The following NRG1 variants were observed in gnomAD, a reference collection of about 807,000 sequenced individuals.
The protein encoded by NRG1 is pro-neuregulin-1, membrane-bound isoform.
A neutral mutation model predicts 63.8 loss-of-function variants in NRG1; 18 were observed. That is an observed-to-expected ratio of 0.28 (90% confidence interval 0.19 to 0.42). NRG1 has a LOEUF of 0.42. NRG1 is among the 10% of genes least tolerant of loss of function. The pLI, the probability that NRG1 is intolerant of heterozygous loss-of-function variation, is 1.00. For missense variants in NRG1, 762 were observed against 814.7 expected (o/e 0.94, Z 0.79); for synonymous variants, 302 against 301.3 (o/e 1.00, Z -0.02).
intron 1 of NRG1, among the ~76,000 whole-genome samples, chr8:32,422,783 C>T (rs1182571669): frequency 3.3e-5 from 5 of 152,218 alleles, no homozygotes; most frequent in African/African-American, 1.2e-4. Flanking sequence ...TTTTGAATTA[C>T]ATTCTGACTG....
chr8:32,198,071 G>T (rs1843137112), intron 1 of NRG1, among the ~76,000 whole-genome samples: 1 of 152,224 alleles, frequency 6.6e-6, no homozygotes, highest in Non-Finnish European at 1.5e-5. Context: ...CAATGTTTTG[G>T]CTAGTTGAAC....
chr8:32,480,089 A>G (rs1383383261), intron 1 of NRG1, among the ~76,000 whole-genome samples: 1 of 152,232 alleles, frequency 6.6e-6, no homozygotes, highest in Non-Finnish European at 1.5e-5. Context: ...GAAGGAATTT[A>G]GGGAGATCAT....
chr8:31,945,208 G>A (rs978110265), intron 1 of NRG1, among the ~76,000 whole-genome samples: 1 of 152,102 alleles, frequency 6.6e-6, no homozygotes, highest in Admixed American at 6.6e-5. Flanking sequence ...TAGTTGATAT[G>A]TTTGGATATT....
intron 1 of NRG1, among the ~76,000 whole-genome samples, chr8:32,358,368 GAAAAAAA>G (rs34976612): frequency 1.3e-4 from 13 of 99,006 alleles, no homozygotes; most frequent in Middle Eastern, 6.3e-3. Flanking sequence ...TGCCATTTAT[GAAAAAAA>G]AAAAAAAAAA....
intron 1 of NRG1, among the ~76,000 whole-genome samples, chr8:31,973,988 G>A (rs1473463136): frequency 6.6e-6 from 1 of 152,100 alleles, no homozygotes; most frequent in Non-Finnish European, 1.5e-5. Flanking sequence ...GATATTCCCT[G>A]GCCATCTAAG....
chr8:31,771,035 C>T (rs1230451362), intron 1 of NRG1, among the ~76,000 whole-genome samples: 2 of 152,024 alleles, frequency 1.3e-5, no homozygotes, highest in Non-Finnish European at 2.9e-5. Context: ...TCCTTTATAG[C>T]ATATGGTTCA....
At chr8:32,691,205 A>G (rs991990946) in intron 5 of NRG1, among the ~76,000 whole-genome samples, 1 of 152,054 alleles carries the variant, frequency 6.6e-6, no homozygotes, top group African/African-American at 2.4e-5. Context: ...GTGAAAATAC[A>G]AAAAATTAGC....
intron 1 of NRG1, among the ~76,000 whole-genome samples, chr8:31,648,323 G>A (rs1037866423): frequency 5.9e-5 from 9 of 151,520 alleles, no homozygotes; most frequent in Non-Finnish European, 1.2e-4. Context: ...TAGTAGAGAC[G>A]GGGTTTCACC....
chr8:32,156,374 T>C (rs1202841649), intron 1 of NRG1, among the ~76,000 whole-genome samples: 1 of 152,248 alleles, frequency 6.6e-6, no homozygotes, highest in African/African-American at 2.4e-5. Context: ...ATTATACTTA[T>C]CAGAGTCGTA....
chr8:32,531,781 C>T (rs527299645), intron 1 of NRG1, among the ~76,000 whole-genome samples: 40 of 152,272 alleles, frequency 2.6e-4, no homozygotes, highest in African/African-American at 8.4e-4. Context: ...ACTTCTACCT[C>T]ATAGGGTTAT....
At chr8:32,653,254 G>C (rs774591196) in intron 5 of NRG1, among the ~76,000 whole-genome samples, 7 of 152,126 alleles carry the variant, frequency 4.6e-5, no homozygotes, top group Non-Finnish European at 1.0e-4. Context: ...CTGCCCTCAG[G>C]GAGCTTATGT....
chr8:32,732,120 G>A (rs1453595984), intron 6 of NRG1, among the ~76,000 whole-genome samples: 1 of 152,154 alleles, frequency 6.6e-6, no homozygotes, highest in Non-Finnish European at 1.5e-5. Flanking sequence ...ACCTCCTCCT[G>A]GGGACTGTGT....
intron 1 of NRG1, among the ~76,000 whole-genome samples, chr8:32,533,406 A>G (rs2129518616): frequency 6.6e-6 from 1 of 152,220 alleles, no homozygotes; most frequent in East Asian, 1.9e-4. Context: ...CTATGTCTGC[A>G]TGGGCAACTA....
chr8:32,199,368 C>A (rs1056924944), intron 1 of NRG1, among the ~76,000 whole-genome samples: 2 of 152,176 alleles, frequency 1.3e-5, no homozygotes. Context: ...TCTATGTGGG[C>A]TGCAAAGGTG....
intron 1 of NRG1, among the ~76,000 whole-genome samples, chr8:31,712,004 A>G (rs995984019): frequency 2.6e-5 from 4 of 152,148 alleles, no homozygotes; most frequent in African/African-American, 9.7e-5. Flanking sequence ...AGGGACATAA[A>G]TAGCACACTC....
chr8:31,944,215 T>C (rs1390307451), intron 1 of NRG1, among the ~76,000 whole-genome samples: 1 of 152,192 alleles, frequency 6.6e-6, no homozygotes, highest in Non-Finnish European at 1.5e-5. Context: ...AGATAGATCT[T>C]GTCTAACCCT....
chr8:31,756,122 CTA>C (rs1816942730), intron 1 of NRG1, among the ~76,000 whole-genome samples: 1 of 152,102 alleles, frequency 6.6e-6, no homozygotes, highest in Non-Finnish European at 1.5e-5. Context: ...CCTCCCTCCC[CTA>C]TGTAGGCTTA....
At chr8:31,995,747 T>A (rs1156667661) in intron 1 of NRG1, among the ~76,000 whole-genome samples, 1 of 151,910 alleles carries the variant, frequency 6.6e-6, no homozygotes, top group Non-Finnish European at 1.5e-5. Flanking sequence ...TTCTCAGCAG[T>A]GGAGTTGGAG....
chr8:32,414,963 C>T (rs188134131), intron 1 of NRG1, among the ~76,000 whole-genome samples: 2 of 152,222 alleles, frequency 1.3e-5, no homozygotes, highest in Non-Finnish European at 2.9e-5. Context: ...CATCCATGTC[C>T]TTCATTTTAG....
Sources: allele counts gnomAD v4.1 joint callset (sites outside exome capture counted in the v4.1 genomes callset), GRCh38; gene constraint gnomAD v4.1.1; transcripts MANE v1.5; gene names NCBI Gene and HGNC (gene_info 2026-07-23, HGNC 2026-07-21).